ELP4: variants seen among roughly 807,000 people sequenced by gnomAD.
ELP4 encodes elongator complex protein 4.
In ELP4, 51 loss-of-function variants were observed where a neutral mutation model predicts 48.9. The ratio of observed to expected loss-of-function variants is 1.04; its 90% CI spans 0.83 to 1.32. The LOEUF is 1.32. Ranked by LOEUF, ELP4 falls within the 40% of genes most tolerant of loss-of-function variation. The probability of loss-of-function intolerance (pLI) is 0.00; values close to 1 mark genes in which losing one functional copy is unlikely to be tolerated. For synonymous variants in ELP4, 210 were observed against 189.2 expected (o/e 1.11, Z -0.90); for missense variants, 519 against 514.6 (o/e 1.01, Z -0.08).
At chr11:31,561,250 A>C (rs1317076846) in intron 3 of ELP4, among the ~76,000 whole-genome samples, 1 of 152,186 alleles carries the variant, frequency 6.6e-6, no homozygotes, top group Admixed American at 6.5e-5. Context: ...CAATATACCC[A>C]GAGCCAGATT....
At chr11:31,550,306 A>T (rs762743125) in intron 3 of ELP4, among the ~76,000 whole-genome samples, 6 of 152,114 alleles carry the variant, frequency 3.9e-5, no homozygotes, top group Admixed American at 6.5e-5. Context: ...TAGAGGAAAA[A>T]TGCAGAATTT....
At position 31,774,355 on chromosome 11, in the gene ELP4, T is replaced by G. The variant is rs575702790; in HGVS notation, c.1144-9038T>G. On this transcript the variant is annotated intron_variant, in intron 9 of 9. Transcript: ENST00000640961. ...TGACCAGCCACTTAACGAAGGTATT[T>G]AACGAAGGCTTAGGGGCACAGACAT... is the stretch of plus-strand genomic sequence containing the variant. Among the ~76,000 whole-genome samples the G allele has an allele frequency of 7.9e-5, 12 of 152,292 alleles. No individual in the cohort carries two copies. The East Asian group carries it at 2.3e-3, about 29-fold the overall frequency.
At chr11:31,568,532 T>C (rs1957147872) in intron 3 of ELP4, among the ~76,000 whole-genome samples, 1 of 152,080 alleles carries the variant, frequency 6.6e-6, no homozygotes, top group Admixed American at 6.5e-5. Flanking sequence ...CAAACTATAC[T>C]ACAAGGCTAC....
intron 9 of ELP4, among the ~76,000 whole-genome samples, chr11:31,739,807 C>T (rs1947406522): frequency 1.3e-5 from 2 of 152,172 alleles, no homozygotes; most frequent in African/African-American, 4.8e-5. Flanking sequence ...TGTCAGACCA[C>T]AAGGAAGTCC....
At chr11:31,611,761 C>T (rs984951074) in intron 5 of ELP4, among the ~76,000 whole-genome samples, 2 of 152,106 alleles carry the variant, frequency 1.3e-5, no homozygotes, top group Non-Finnish European at 2.9e-5. Flanking sequence ...GTGTAGCTTA[C>T]GGTCCAATAA....
chr11:31,512,810 GC>G (rs1224745427), intron 1 of ELP4, among the ~76,000 whole-genome samples: 9 of 36,676 alleles, frequency 2.5e-4, no homozygotes, highest in African/African-American at 1.0e-3. Context: ...CCCCCGCCCC[GC>G]CCACCCAACC....
At chr11:31,640,272 A>G (rs1338332165) in intron 7 of ELP4, among the ~76,000 whole-genome samples, 1 of 151,908 alleles carries the variant, frequency 6.6e-6, no homozygotes. Flanking sequence ...AAATTACTAA[A>G]TTTTTTTCTT....
At chr11:31,563,318 G>C (rs564983652) in intron 3 of ELP4, among the ~76,000 whole-genome samples, 53 of 152,242 alleles carry the variant, frequency 3.5e-4, no homozygotes, top group African/African-American at 1.1e-3. Flanking sequence ...ATTAACTGCT[G>C]AGGGATTGTA....
intron 9 of ELP4, among the ~76,000 whole-genome samples, chr11:31,667,889 C>T (rs559457664): frequency 1.5e-4 from 23 of 152,152 alleles, no homozygotes; most frequent in Non-Finnish European, 3.4e-4. Flanking sequence ...ATGATCCATT[C>T]ATCTTATCAT....
At chr11:31,529,316 A>G (rs1416677575) in intron 2 of ELP4, among the ~76,000 whole-genome samples, 1 of 152,046 alleles carries the variant, frequency 6.6e-6, no homozygotes, top group Admixed American at 6.6e-5. Context: ...TCCCTTTCCC[A>G]CAATTGGGGT....
chr11:31,525,429 G>C (rs1956281400), intron 2 of ELP4, among the ~76,000 whole-genome samples: 1 of 152,108 alleles, frequency 6.6e-6, no homozygotes, highest in African/African-American at 2.4e-5. Context: ...ACCATGAACA[G>C]TACATATATA....
At chr11:31,537,990 A>C (rs1458225260) in intron 2 of ELP4, among the ~76,000 whole-genome samples, 1 of 152,178 alleles carries the variant, frequency 6.6e-6, no homozygotes, top group African/African-American at 2.4e-5. Flanking sequence ...TCCCATGAAC[A>C]TGATATATCT....
chr11:31,785,238 C>G lies in ELP4; in HGVS notation c.*1714C>G, dbSNP rs180780893. ...GCATTATGAACATTCTGAATAAATT[C>G]AAATGAGTATTTTAGTCAGTTTATT... On this transcript the variant is annotated 3_prime_UTR_variant, in exon 10 of 10. Transcript: ENST00000640961. The G allele has an allele frequency of 3.3e-5, 6 of 183,500 alleles. No homozygotes were observed. In the East Asian group the frequency reaches 5.3e-4, roughly 16 times the overall value. The allele number at this position is 183,500 out of a possible 1,614,324, so 11.4% of individuals were successfully genotyped here. A position where few individuals can be genotyped will look rare whatever the true frequency, so the allele number is the denominator to read the frequency against.
rs1029825044 is a variant in ELP4 at position 31,787,596 on chromosome 11, C to A, written c.*4072C>A. ...ATGTCAGGAGGTAGAAATGTCTGCA[C>A]CGGCAATTGTACCAACAGTGCGTAT... On this transcript the variant is annotated 3_prime_UTR_variant, in exon 10 of 10. Coordinates refer to ENST00000640961, the MANE Select transcript of ELP4 (RefSeq NM_019040.5). The A allele has an allele frequency of 8.6e-6, 2 of 232,396 alleles. No homozygotes were observed. Among genetic ancestry groups the A allele is most frequent in the Non-Finnish European group, 1.7e-5 (2 of 117,594 alleles). The allele number at this position is 232,396 out of a possible 1,614,324, so 14.4% of individuals were successfully genotyped here.
In ELP4 at chr11:31,785,738, T is replaced by G. The variant is rs1948566040; in HGVS notation, c.*2214T>G. ...TGTGTTTTCCTTTCTTCTGGAAACA[T>G]TATTTGTTACTCATTATGTTAATAA... On this transcript the variant is annotated 3_prime_UTR_variant, in exon 10 of 10. Transcript: ENST00000640961. The G allele has an allele frequency of 5.2e-6, 1 of 192,904 alleles. No homozygotes were observed. Among genetic ancestry groups the G allele is most frequent in the Non-Finnish European group, 1.1e-5 (1 of 92,562 alleles). 11.9% of individuals were successfully genotyped at this position (192,904 alleles called of 1,614,324 possible). A position where few individuals can be genotyped will look rare whatever the true frequency, so the allele number is the denominator to read the frequency against.
At chr11:31,624,919 T>G (rs1296731754) in intron 5 of ELP4, among the ~76,000 whole-genome samples, 1 of 151,666 alleles carries the variant, frequency 6.6e-6, no homozygotes. Context: ...TGGAAGGTCT[T>G]CAGGGACAGT....
chr11:31,683,510 T>C (rs1011671077), intron 9 of ELP4, among the ~76,000 whole-genome samples: 2 of 152,198 alleles, frequency 1.3e-5, no homozygotes, highest in African/African-American at 4.8e-5. Context: ...GCTCAAGCTC[T>C]TCTAAATTTT....
intron 9 of ELP4, among the ~76,000 whole-genome samples, chr11:31,748,616 T>G (rs1433716756): frequency 6.6e-6 from 1 of 152,206 alleles, no homozygotes; most frequent in Non-Finnish European, 1.5e-5. Flanking sequence ...ATGACTATTA[T>G]TGGTGTCTTT....
At chr11:31,780,874 A>T (rs183673255) in intron 9 of ELP4, 2 of 152,360 alleles carry the variant, frequency 1.3e-5, no homozygotes, top group Admixed American at 6.5e-5. Context: ...ATGTAATCGT[A>T]AAGATATATT....
Sources: allele counts gnomAD v4.1 joint callset (sites outside exome capture counted in the v4.1 genomes callset), GRCh38; gene constraint gnomAD v4.1.1; transcripts MANE v1.5; gene names NCBI Gene and HGNC (gene_info 2026-07-23, HGNC 2026-07-21).